Variants in ZNF761 observed in about 807,000 individuals in gnomAD.
The protein encoded by ZNF761 is zinc finger protein 761.
Under a neutral mutation model 59.9 loss-of-function variants are expected in ZNF761, and 43 were observed. That is an observed-to-expected ratio of 0.72 (90% CI 0.56 to 0.92). The LOEUF is 0.92. Ranked by LOEUF, ZNF761 falls within the 40% of genes least tolerant of loss-of-function variation. ZNF761 has a pLI of 0.00. For synonymous variants in ZNF761, 294 were observed against 304.8 expected, an observed-to-expected ratio of 0.96 and a Z score of 0.37; for missense variants, 850 against 906.1, an observed-to-expected ratio of 0.94 and a Z score of 0.79.
At chr19:53,454,581 A>T (rs2086247049) in intron 4 of ZNF761, 69 bp from the exon 5 acceptor site, 5 of 1,456,136 alleles carry the variant, frequency 3.4e-6, no homozygotes, top group Non-Finnish European at 4.6e-6. Context: ...TTTGTGTCGT[A>T]TTTACACATT....
At chr19:53,452,692 A>G (rs924071073) in intron 4 of ZNF761, among the ~76,000 whole-genome samples, 1 of 152,226 alleles carries the variant, frequency 6.6e-6, no homozygotes, top group Non-Finnish European at 1.5e-5. Flanking sequence ...AGCATTCTTC[A>G]TGGTTTAGCC....
chr19:53,432,942 G>T (rs1266876353), intron 1 of ZNF761, among the ~76,000 whole-genome samples: 3 of 151,712 alleles, frequency 2.0e-5, no homozygotes, highest in Admixed American at 6.6e-5. Context: ...GGGATTTGGA[G>T]CCAGGGCAGA....
intron 3 of ZNF761, 21 bp from the exon 4 acceptor site, chr19:53,449,491 T>G (rs749041879): frequency 1.9e-5 from 31 of 1,614,018 alleles, no homozygotes; most frequent in Non-Finnish European, 2.2e-5. Context: ...ACCATTTGGT[T>G]AAAATGTGTT....
intron 1 of ZNF761, among the ~76,000 whole-genome samples, chr19:53,437,713 T>G (rs1324097361): frequency 6.6e-6 from 1 of 152,232 alleles, no homozygotes; most frequent in Non-Finnish European, 1.5e-5. Flanking sequence ...ATACAGCCTC[T>G]AAGTGCTGTA....
intron 1 of ZNF761, chr19:53,443,767 A>G (rs7259720): frequency 0.38 from 57,452 of 152,020 alleles, 12,166 homozygotes; most frequent in African/African-American, 0.56. Context: ...TCCAAGCCAC[A>G]AGGGGTTTGT....
rs1240196784 is a variant in ZNF761, at chr19:53,455,864, C to A, written c.1357C>A (p.Leu453Ile). Reference protein sequence around the residue: ...CGKTFSRTSSLTCHRRRHTGE... With the variant: ...CGKTFSRTSSITCHRRRHTGE... ...AAAGACCTTTAGCCGGACATCATCC[C>A]TTACATGCCATCGTAGACGTCATAC... is the stretch of plus-strand genomic sequence containing the variant. The change falls in exon 5 of 5, where the codon CTT (leucine) becomes ATT (isoleucine). Residue 453 changes from leucine (L) to isoleucine (I), a missense_variant. Coordinates refer to ENST00000684525, the MANE Select transcript of ZNF761 (RefSeq NM_001289951.2). The A allele has an allele frequency of 1.9e-6, 3 of 1,613,770 alleles. No individual in the cohort carries two copies. The highest frequency in any genetic ancestry group is 3.3e-5 in the Admixed American group (2 of 60,008).
chr19:53,457,043 T>A lies in ZNF761; in HGVS notation c.*295T>A. The stretch of plus-strand genomic sequence containing the variant: ...GGCATGATTCGCACCTGGCACAACA[T>A]GCTAGAATTCACACTGGAGAGAAAC... On this transcript the variant is annotated 3_prime_UTR_variant, in exon 5 of 5. Coordinates refer to ENST00000684525, the MANE Select transcript of ZNF761 (RefSeq NM_001289951.2). 1.6e-6 allele frequency: 1 copy of A among 618,672 alleles called. No individual in the cohort carries two copies. The highest frequency in any genetic ancestry group is 2.9e-6 in the Non-Finnish European group (1 of 348,492). 38.3% of individuals were successfully genotyped at this position (618,672 alleles called of 1,614,324 possible). A position where few individuals can be genotyped will look rare whatever the true frequency, so the allele number is the denominator to read the frequency against.
At position 53,454,710 on chromosome 19, in the gene ZNF761, T is replaced by G. The variant is rs777688365; in HGVS notation, c.203T>G (p.Val68Gly). 1.9e-6 allele frequency: 3 copies of G among 1,613,576 alleles called. No homozygotes were observed. The highest frequency in any genetic ancestry group is 3.3e-5 in the Admixed American group (2 of 59,974). The change falls in exon 5 of 5, where the codon GTG becomes GGG. Residue 68 changes from valine (V) to glycine (G), a missense_variant. By Grantham distance (109) the Val-to-Gly change is moderately radical. Coordinates refer to ENST00000684525, the MANE Select transcript of ZNF761 (RefSeq NM_001289951.2). ...FLSTAQGNRE[V>G]FHAGTLQIHE... ...TCAACAGCGCAAGGCAACAGAGAAG[T>G]GTTCCATGCAGGGACATTGCAAATA...
rs775734803 is a variant in ZNF761 at position 53,456,047 on chromosome 19, A to G, written c.1540A>G (p.Arg514Gly). The G allele has an allele frequency of 2.5e-6, 4 of 1,613,530 alleles. No homozygotes were observed. The South Asian group carries it at 4.4e-5, about 18-fold the overall frequency. The change falls in exon 5 of 5, where the codon AGA (arginine) becomes GGA (glycine). Residue 514 changes from arginine to glycine, a missense_variant. Coordinates refer to ENST00000684525, the MANE Select transcript of ZNF761 (RefSeq NM_001289951.2). ...SRKSYLTCHHRLHTGEKAYKC... is the reference protein window; with the variant it reads ...SRKSYLTCHHGLHTGEKAYKC... ...GAAGTCATACCTCACATGCCATCAT[A>G]GACTTCATACTGGAGAGAAAGCTTA... is the stretch of plus-strand genomic sequence containing the variant.
intron 3 of ZNF761, among the ~76,000 whole-genome samples, chr19:53,447,878 G>C (rs915499938): frequency 6.6e-6 from 1 of 152,204 alleles, no homozygotes; most frequent in Non-Finnish European, 1.5e-5. Context: ...CTGAACAATA[G>C]CAGGAGATTC....
At chr19:53,441,935 G>C in intron 1 of ZNF761, 1 of 1,524,810 alleles carries the variant, frequency 6.6e-7, no homozygotes. Context: ...AGATGATGCA[G>C]AGGAGTGAGC....
chr19:53,442,148 A>C (rs2147127959), intron 1 of ZNF761: 1 of 1,107,278 alleles, frequency 9.0e-7, no homozygotes, highest in East Asian at 2.4e-5. Flanking sequence ...GGTTATTGAA[A>C]TCTGGGCCTT....
intron 2 of ZNF761, 95 bp from the exon 3 acceptor site, chr19:53,447,101 T>C: frequency 1.3e-6 from 1 of 753,454 alleles, no homozygotes; most frequent in Non-Finnish European, 2.1e-6. Context: ...CGGGACCATA[T>C]TTCCCAGGGT....
chr19:53,434,252 C>T (rs1431876369), intron 1 of ZNF761, among the ~76,000 whole-genome samples: 1 of 152,176 alleles, frequency 6.6e-6, no homozygotes, highest in Non-Finnish European at 1.5e-5. Context: ...TTCTAATCTT[C>T]TATTTCTATG....
At position 53,439,064 on chromosome 19, in the gene ZNF761, A is replaced by T. The variant is rs1328545562; in HGVS notation, c.-185+7036A>T. Among the ~76,000 whole-genome samples, 4 of 152,070 alleles carry T rather than the reference A, an allele frequency of 2.6e-5. 1 individual carries two copies. Among genetic ancestry groups the T allele is most frequent in the Non-Finnish European group, 5.9e-5 (4 of 68,010 alleles). On this transcript the variant is annotated intron_variant, in intron 1 of 4. Transcript: ENST00000684525. ...CACATGGCTGGATCATGAGGTCAGGAGTCCAAGACCAGACTGGCCAAGATG... is the reference window on the plus strand; with the variant it reads ...CACATGGCTGGATCATGAGGTCAGGTGTCCAAGACCAGACTGGCCAAGATG...
At chr19:53,437,748 C>T (rs2086058321) in intron 1 of ZNF761, among the ~76,000 whole-genome samples, 1 of 152,132 alleles carries the variant, frequency 6.6e-6, no homozygotes, top group Admixed American at 6.5e-5. Context: ...TACTTTATTT[C>T]TTGCCTCTAG....
At chr19:53,438,371 G>A (rs1002245931) in intron 1 of ZNF761, among the ~76,000 whole-genome samples, 1 of 151,898 alleles carries the variant, frequency 6.6e-6, no homozygotes, top group Non-Finnish European at 1.5e-5. Context: ...TAACACCATG[G>A]AGTCTAGTTG....
rs1215312092 is a variant in ZNF761 at position 53,457,878 on chromosome 19, G to A, written c.*1130G>A. 6.5e-6 allele frequency: 1 copy of A among 152,904 alleles called. No homozygotes were observed. The highest frequency in any genetic ancestry group is 1.5e-5 in the Non-Finnish European group (1 of 68,390). The allele number at this position is 152,904 out of a possible 1,614,324, so 9.5% of individuals were successfully genotyped here. On this transcript the variant is annotated 3_prime_UTR_variant, in exon 5 of 5. Transcript: ENST00000684525. ...TAGGGATTTTTATGGATATCATGTT[G>A]AATCTAAATCACATTGGGTTATTAT...
chr19:53,435,847 A>G (rs367674011), intron 1 of ZNF761, among the ~76,000 whole-genome samples: 26 of 152,250 alleles, frequency 1.7e-4, no homozygotes, highest in Middle Eastern at 3.4e-3. Flanking sequence ...CGACAGAACA[A>G]TAATAAAACA....
Sources: gnomAD v4.1 joint callset for allele counts (sites outside exome capture counted in the v4.1 genomes callset) on GRCh38, gnomAD v4.1.1 for gene constraint, MANE v1.5 for transcripts, NCBI Gene and HGNC (gene_info 2026-07-23, HGNC 2026-07-21) for gene names.